The following DNAJC17 variants were observed in gnomAD, a reference collection of about 807,000 sequenced individuals.
DNAJC17 encodes the protein DnaJ heat shock protein family (Hsp40) member C17, also known as dnaJ homolog subfamily C member 17.
In DNAJC17, 35 loss-of-function variants were observed where a neutral mutation model predicts 48.1. That is an observed-to-expected ratio of 0.73 (90% CI 0.56 to 0.96). The LOEUF (loss-of-function observed/expected upper bound fraction) is 0.96, where lower values mean the gene tolerates loss of function less well. DNAJC17 is among the 50% of genes least tolerant of loss of function. The pLI, the probability that DNAJC17 is intolerant of heterozygous loss-of-function variation, is 0.00. For missense variants in DNAJC17, 355 were observed against 377.1 expected (o/e 0.94, Z 0.48); for synonymous variants, 117 against 142.7 (o/e 0.82, Z 1.28).
At position 40,766,786 on chromosome 15, in the gene DNAJC17, T is replaced by C. The variant is rs1888959185; in HGVS notation, c.*1154A>G. 6.6e-6 allele frequency: 1 copy of C among 151,892 alleles called. No homozygotes were observed. 9.4% of individuals were successfully genotyped at this position (151,892 alleles called of 1,614,324 possible). ...GGGCAGTGAGGGGCCTGGAGGCTTA[T>C]TTTTTTTTGAAATGGAGTCTCTGTC... On this transcript the variant is annotated 3_prime_UTR_variant, in exon 11 of 11. Coordinates refer to ENST00000220496, the MANE Select transcript of DNAJC17 (RefSeq NM_018163.3).
rs545427483 is a variant in DNAJC17, at chr15:40,799,309, C to G, written c.78+8060G>C. On this transcript the variant is annotated intron_variant, in intron 1 of 10. Coordinates refer to ENST00000220496, the MANE Select transcript of DNAJC17 (RefSeq NM_018163.3). ...ATCCTCTCCCTAGGAGCACTTCCAC[C>G]CGAAACCCAGGTCCTCAACTTAAGG... Among the ~76,000 whole-genome samples, 6 of 151,832 alleles carry G rather than the reference C, an allele frequency of 4.0e-5. No individual in the cohort carries two copies. The East Asian group carries it at 9.7e-4, about 24-fold the overall frequency.
intron 10 of DNAJC17, chr15:40,771,069 G>T (rs747335753): frequency 3.9e-6 from 6 of 1,524,376 alleles, no homozygotes; most frequent in Non-Finnish European, 5.3e-6. Flanking sequence ...AGATCCAGAG[G>T]CTGGGGATTA....
chr15:40,770,514 G>A lies in DNAJC17; in HGVS notation c.793-2452C>T. The A allele has an allele frequency of 6.5e-7, 1 of 1,550,136 alleles. No individual in the cohort carries two copies. The highest frequency in any genetic ancestry group is 8.7e-7 in the Non-Finnish European group (1 of 1,146,816). On this transcript the variant is annotated intron_variant, in intron 10 of 10. Transcript: ENST00000220496. The surrounding 1 kb of genome is among the most constrained non-coding windows in gnomAD (Gnocchi z 5.0). Reference sequence around the variant, plus strand: ...GGGCCCCATGGAGACCTGGCGGAAAGGCTCCTTCCGCAACGCCTCCTTCTT... The same window carrying A: ...GGGCCCCATGGAGACCTGGCGGAAAAGCTCCTTCCGCAACGCCTCCTTCTT...
intron 1 of DNAJC17, among the ~76,000 whole-genome samples, chr15:40,798,972 C>T (rs1373196968): frequency 6.6e-6 from 1 of 152,154 alleles, no homozygotes; most frequent in African/African-American, 2.4e-5. Flanking sequence ...GTAATCCCAG[C>T]ACTTTGGGAG....
rs1428037001 is a variant in DNAJC17, at chr15:40,776,593, C to T, written c.330G>A (p.Gln110=). 7.4e-6 allele frequency: 12 copies of T among 1,613,856 alleles called. No homozygotes were observed. The highest frequency in any genetic ancestry group is 8.5e-6 in the Non-Finnish European group (10 of 1,179,948). Residue 110 remains glutamine (Q), a synonymous_variant, in exon 5 of 11, where the codon CAG becomes CAA. Transcript: ENST00000220496. ...LEARERQAQA[Q]ESEEEEESRS... ...GGCTCTCCTCTTCCTCCTCACTCTC[C>T]TGGGCCTGGGCCTGCCGCTCCCGGG...
At chr15:40,793,178 C>CG (rs1889855136) in intron 1 of DNAJC17, among the ~76,000 whole-genome samples, 2 of 7,020 alleles carry the variant, frequency 2.8e-4, no homozygotes, top group Admixed American at 6.4e-4. Flanking sequence ...CAGGCGTGAG[C>CG]ACCGTGCCCA....
intron 1 of DNAJC17, among the ~76,000 whole-genome samples, chr15:40,786,814 C>T (rs865918389): frequency 6.6e-6 from 1 of 152,168 alleles, no homozygotes; most frequent in South Asian, 2.1e-4. Context: ...GTGAGTACTT[C>T]GAACTGCAAT....
intron 1 of DNAJC17, among the ~76,000 whole-genome samples, chr15:40,786,977 C>T (rs532677015): frequency 6.4e-4 from 97 of 152,256 alleles, no homozygotes; most frequent in African/African-American, 2.2e-3. Context: ...ACACGTTCTA[C>T]GGAGAGTGGT....
In DNAJC17 at chr15:40,765,208, A is replaced by G. The variant is rs1888922992; in HGVS notation, c.*2732T>C. The G allele has an allele frequency of 6.6e-6, 1 of 152,220 alleles. No homozygotes were observed. The allele number at this position is 152,220 out of a possible 1,614,324, so 9.4% of individuals were successfully genotyped here. ...TTGATATGTAATGTGCATACCATAA[A>G]TTCTTTGATTTAAAGTGTACAATTC... is the stretch of plus-strand genomic sequence containing the variant. On this transcript the variant is annotated 3_prime_UTR_variant, in exon 11 of 11. Transcript: ENST00000220496.
chr15:40,789,341 C>G (rs1889730566), intron 1 of DNAJC17, among the ~76,000 whole-genome samples: 1 of 149,512 alleles, frequency 6.7e-6, no homozygotes. Flanking sequence ...CCAGGTCCCC[C>G]TTCCTTCACT....
intron 1 of DNAJC17, among the ~76,000 whole-genome samples, chr15:40,806,213 T>C (rs1430084581): frequency 6.9e-6 from 1 of 143,968 alleles, no homozygotes; most frequent in Admixed American, 7.0e-5. Context: ...GGCACTATTT[T>C]TTTTTCCTTT....
chr15:40,773,251 C>T (rs971569925), intron 10 of DNAJC17, among the ~76,000 whole-genome samples: 2 of 152,160 alleles, frequency 1.3e-5, no homozygotes, highest in African/African-American at 2.4e-5. Flanking sequence ...TGAGCCACTG[C>T]GCCCAGCCTG....
chr15:40,790,843 G>A (rs1889779864), intron 1 of DNAJC17, among the ~76,000 whole-genome samples: 1 of 152,090 alleles, frequency 6.6e-6, no homozygotes, highest in African/African-American at 2.4e-5. Context: ...CATTCCTTTT[G>A]ACTTAACAGG....
Position 40,779,276 on chromosome 15 carries a change from T to G in DNAJC17, c.242A>C (p.Gln81Pro). 6.2e-7 allele frequency: 1 copy of G among 1,614,102 alleles called. No individual in the cohort carries two copies. The highest frequency in any genetic ancestry group is 8.5e-7 in the Non-Finnish European group (1 of 1,180,034). The change falls in exon 4 of 11, where the codon CAA (glutamine) becomes CCA (proline). Residue 81 changes from glutamine (Q) to proline (P), a missense_variant. Around this residue, in one of 3 missense-constraint regions of DNAJC17, gnomAD observed 199 missense variants for 199.9 expected, o/e 1.00. Transcript: ENST00000220496. Reference sequence around the variant, plus strand: ...AAGTTTCTGGGTCCTCTCTGCTGCTTGCTTCTTGGCTTTCCTGACCTTGTC... The same window carrying G: ...AAGTTTCTGGGTCCTCTCTGCTGCTGGCTTCTTGGCTTTCCTGACCTTGTC... ...AYDKVRKAKK[Q>P]AAERTQKLDE...
chr15:40,806,220 C>CT (rs34520548), intron 1 of DNAJC17, among the ~76,000 whole-genome samples: 8,371 of 122,864 alleles, frequency 0.068, 675 homozygotes, highest in African/African-American at 0.19. Context: ...TTTTTTTTTC[C>CT]TTTTTTTTTT....
intron 7 of DNAJC17, 63 bp downstream of exon 7, chr15:40,775,490 C>A: frequency 6.4e-7 from 1 of 1,562,594 alleles, no homozygotes; most frequent in South Asian, 1.1e-5. Context: ...CAGGAAGCAT[C>A]TATTCCTGCT....
intron 4 of DNAJC17, among the ~76,000 whole-genome samples, chr15:40,777,281 CTTTTT>C (rs1162001252): frequency 7.6e-6 from 1 of 131,592 alleles, no homozygotes; most frequent in African/African-American, 2.9e-5. Context: ...CTCTCTCTCT[CTTTTT>C]TTTTTTTTTT....
At chr15:40,789,092 G>C (rs925669467) in intron 1 of DNAJC17, among the ~76,000 whole-genome samples, 2 of 152,124 alleles carry the variant, frequency 1.3e-5, no homozygotes, top group African/African-American at 4.8e-5. Flanking sequence ...GCCTGCTGGT[G>C]GTACCAAGAT....
At chr15:40,788,565 G>A (rs1397312817) in intron 1 of DNAJC17, among the ~76,000 whole-genome samples, 5 of 151,442 alleles carry the variant, frequency 3.3e-5, no homozygotes, top group Admixed American at 6.6e-5. Context: ...GCATGGTGGC[G>A]GGCGCCTGTA....
Sources: gnomAD v4.1 joint callset for allele counts (sites outside exome capture counted in the v4.1 genomes callset) on GRCh38, gnomAD v4.1.1 for gene constraint, gnomAD v4.1.1 regional missense constraint, Gnocchi (gnomAD v3.1) non-coding constraint, MANE v1.5 for transcripts, NCBI Gene and HGNC (gene_info 2026-07-23, HGNC 2026-07-21) for gene names.